CELSR1: variants seen among roughly 807,000 people sequenced by gnomAD.
CELSR1 encodes the protein cadherin EGF LAG seven-pass G-type receptor 1.
Under a neutral mutation model 249.1 loss-of-function variants are expected in CELSR1, and 110 were observed. That is an observed-to-expected ratio of 0.44 (90% CI 0.38 to 0.52). CELSR1 has a LOEUF of 0.52. Ranked by LOEUF, CELSR1 falls within the 20% of genes least tolerant of loss-of-function variation. CELSR1 has a pLI of 0.00. For synonymous variants in CELSR1, 2,113 were observed against 1,900.0 expected (o/e 1.11, Z -2.92); for missense variants, 4,109 against 4,296.4 (o/e 0.96, Z 1.22).
At chr22:46,364,310 G>C (rs921321713) in intron 33 of CELSR1, 59 bp from the exon 34 acceptor site, 61 of 1,584,428 alleles carry the variant, frequency 3.8e-5, no homozygotes, top group Non-Finnish European at 5.0e-5. Context: ...GGCAGCTGCT[G>C]GGCCGTGTGC....
chr22:46,368,958 C>T (rs2078818851), intron 27 of CELSR1, among the ~76,000 whole-genome samples: 1 of 151,268 alleles, frequency 6.6e-6, no homozygotes. Context: ...CCCCTCCCTT[C>T]AGCTAACCTC....
chr22:46,415,034 G>A (rs921094625), intron 5 of CELSR1, among the ~76,000 whole-genome samples: 5 of 152,164 alleles, frequency 3.3e-5, no homozygotes, highest in African/African-American at 7.2e-5. Context: ...GCCATGCACC[G>A]CGTGACTCCA....
intron 25 of CELSR1, 98 bp downstream of exon 25, chr22:46,372,785 G>T: frequency 7.0e-7 from 1 of 1,432,206 alleles, no homozygotes; most frequent in Non-Finnish European, 9.4e-7. Flanking sequence ...ACAAGCATTG[G>T]GGCTGGGCAG....
chr22:46,364,940 CCAGTAACTATA>C (rs1487285886), intron 32 of CELSR1, among the ~76,000 whole-genome samples: 2 of 152,210 alleles, frequency 1.3e-5, no homozygotes, highest in East Asian at 3.8e-4. Flanking sequence ...CGCATCTGTA[CCAGTAACTATA>C]CAGGCTAATC....
intron 20 of CELSR1, among the ~76,000 whole-genome samples, chr22:46,384,188 G>A (rs558408027): frequency 2.0e-4 from 31 of 152,182 alleles, no homozygotes; most frequent in Non-Finnish European, 3.4e-4. Flanking sequence ...TGCCCGCCTC[G>A]GCCTCCCAAA....
chr22:46,420,938 C>T (rs922765836), intron 5 of CELSR1, among the ~76,000 whole-genome samples: 1 of 152,072 alleles, frequency 6.6e-6, no homozygotes, highest in Admixed American at 6.6e-5. Flanking sequence ...GGGATGGTCA[C>T]GGCAGGAAAA....
At chr22:46,378,118 A>C (rs1480958469) in intron 23 of CELSR1, among the ~76,000 whole-genome samples, 2 of 152,204 alleles carry the variant, frequency 1.3e-5, no homozygotes, top group Non-Finnish European at 2.9e-5. Flanking sequence ...AAAATGCCAG[A>C]GGTTAAACAT....
Position 46,518,066 on chromosome 22 carries a change from G to C in CELSR1, c.3544+15561C>G, listed in dbSNP as rs1372460099. ...TACAGTCATGTGCCACCACACCCGG[G>C]TAATTTTTTTGTGTTTTTAGTAGAG... On this transcript the variant is annotated intron_variant, in intron 1 of 34. Coordinates refer to ENST00000674500, the MANE Select transcript of CELSR1 (RefSeq NM_001378328.1). This position sits in a 1 kb window ranked among gnomAD's most constrained non-coding sequence, Gnocchi z 5.2. Among the ~76,000 whole-genome samples the C allele has an allele frequency of 1.3e-5, 2 of 151,484 alleles. No homozygotes were observed. The highest frequency in any genetic ancestry group is 2.1e-4 in the South Asian group (1 of 4,810).
At chr22:46,480,138 C>T (rs1312586890) in intron 1 of CELSR1, among the ~76,000 whole-genome samples, 1 of 152,216 alleles carries the variant, frequency 6.6e-6, no homozygotes. Context: ...CTTCTCTTCA[C>T]GGGCAAAGTG....
intron 2 of CELSR1, among the ~76,000 whole-genome samples, chr22:46,450,996 T>A (rs1161363333): frequency 1.3e-5 from 2 of 152,160 alleles, no homozygotes; most frequent in African/African-American, 4.8e-5. Flanking sequence ...CTCCTGTTCC[T>A]CACTGCCTTC....
rs958119430 is a variant in CELSR1, at chr22:46,484,028, A to G, written c.3545-19683T>C. On this transcript the variant is annotated intron_variant, in intron 1 of 34. Transcript: ENST00000674500. The surrounding 1 kb of genome is among the most constrained non-coding windows in gnomAD (Gnocchi z 4.5). ...TCCAGGTAAAGGAGCACAACTGTCA[A>G]TTTCACGGAGCACAGAACATTCCCA... Among the ~76,000 whole-genome samples, 2 of 152,192 alleles carry G rather than the reference A, an allele frequency of 1.3e-5. No homozygotes were observed. The highest frequency in any genetic ancestry group is 4.8e-5 in the African/African-American group (2 of 41,450).
intron 24 of CELSR1, 55 bp downstream of exon 24, chr22:46,377,006 G>A (rs1283064413): frequency 6.3e-6 from 10 of 1,577,068 alleles, no homozygotes; most frequent in Non-Finnish European, 7.8e-6. Flanking sequence ...CAGGACTATG[G>A]TAGCTGCTCC....
In CELSR1 at chr22:46,437,165, C is replaced by T. The variant is rs1159391153; in HGVS notation, c.4407-876G>A. On this transcript the variant is annotated intron_variant, in intron 3 of 34. Transcript: ENST00000674500. The surrounding 1 kb of genome is among the most constrained non-coding windows in gnomAD (Gnocchi z 4.9). Reference sequence around the variant, plus strand: ...TTAGAGCACGCTGAGCAAAAACCACCTGCTCGGGCAGGAGATCATCAAATT... The same window carrying T: ...TTAGAGCACGCTGAGCAAAAACCACTTGCTCGGGCAGGAGATCATCAAATT... Among the ~76,000 whole-genome samples, 1 of 152,202 alleles carries T rather than the reference C, an allele frequency of 6.6e-6. No individual in the cohort carries two copies. Among genetic ancestry groups the T allele is most frequent in the Non-Finnish European group, 1.5e-5 (1 of 68,018 alleles).
chr22:46,428,076 G>A lies in CELSR1; in HGVS notation c.4611+5317C>T, dbSNP rs528948363. Among the ~76,000 whole-genome samples the A allele has an allele frequency of 6.6e-6, 1 of 152,158 alleles. No homozygotes were observed. Among genetic ancestry groups the A allele is most frequent in the Admixed American group, 6.5e-5 (1 of 15,276 alleles). ...CAATCCCTAATGACAGCAGGACCTAGCGGTCATCTCAAGGTCATGGAAATC... is the reference window on the plus strand; with the variant it reads ...CAATCCCTAATGACAGCAGGACCTAACGGTCATCTCAAGGTCATGGAAATC... On this transcript the variant is annotated intron_variant, in intron 5 of 34. Transcript: ENST00000674500. This position sits in a 1 kb window ranked among gnomAD's most constrained non-coding sequence, Gnocchi z 5.7.
chr22:46,478,474 A>G (rs1175829303), intron 1 of CELSR1, among the ~76,000 whole-genome samples: 3 of 152,164 alleles, frequency 2.0e-5, no homozygotes, highest in East Asian at 3.9e-4. Context: ...AGGGACAACC[A>G]TATGTTCCCT....
rs1209344341 is a variant in CELSR1, at chr22:46,473,833, T to C, written c.3545-9488A>G. Among the ~76,000 whole-genome samples, 4 of 152,138 alleles carry C rather than the reference T, an allele frequency of 2.6e-5. No individual in the cohort carries two copies. The highest frequency in any genetic ancestry group is 9.7e-5 in the African/African-American group (4 of 41,424). ...CTTCTGGGTTTGTTTTGTTTTGTTTTAGAGGCCAGATTGGGGCCAGACAAC... is the reference window on the plus strand; with the variant it reads ...CTTCTGGGTTTGTTTTGTTTTGTTTCAGAGGCCAGATTGGGGCCAGACAAC... On this transcript the variant is annotated intron_variant, in intron 1 of 34. Transcript: ENST00000674500. This position sits in a 1 kb window ranked among gnomAD's most constrained non-coding sequence, Gnocchi z 6.6.
rs779470956 is a variant in CELSR1 at position 46,365,245 on chromosome 22, T to C, written c.8540A>G (p.His2847Arg). 2 of 1,612,118 alleles carry C rather than the reference T, an allele frequency of 1.2e-6. No individual in the cohort carries two copies. The highest frequency in any genetic ancestry group is 8.5e-7 in the Non-Finnish European group (1 of 1,179,890). Residue 2847 changes from histidine (H) to arginine (R), a missense_variant, in exon 32 of 35, where the codon CAC becomes CGC. By Grantham distance (29) the His-to-Arg change is conservative. This residue lies in a region of CELSR1 where 1,805 missense variants were observed against 1,831.6 expected (regional missense o/e 0.99). Transcript: ENST00000674500. ...CACACACTCACCTTTGGGGGTGCTGTGGACGGCGCCCCTGGCCGGGTCCCA... is the reference window on the plus strand; with the variant it reads ...CACACACTCACCTTTGGGGGTGCTGCGGACGGCGCCCCTGGCCGGGTCCCA... Reference protein sequence around the residue: ...EKWDPARGAVHSTPKGDAVAN... With the variant: ...EKWDPARGAVRSTPKGDAVAN...
At chr22:46,424,660 T>C (rs1400026428) in intron 5 of CELSR1, among the ~76,000 whole-genome samples, 3 of 152,162 alleles carry the variant, frequency 2.0e-5, no homozygotes, top group Non-Finnish European at 4.4e-5. Context: ...TGTTTTCCAT[T>C]GTTATTCTGT....
chr22:46,498,512 C>T (rs1218851397), intron 1 of CELSR1, among the ~76,000 whole-genome samples: 5 of 151,074 alleles, frequency 3.3e-5, no homozygotes, highest in African/African-American at 1.2e-4. Context: ...ACTCAGGAGG[C>T]TGAGGCAGGA....
Sources: allele counts gnomAD v4.1 joint callset (sites outside exome capture counted in the v4.1 genomes callset), GRCh38; gene constraint gnomAD v4.1.1; regional missense constraint gnomAD v4.1.1; non-coding constraint Gnocchi (gnomAD v3.1); transcripts MANE v1.5; gene names NCBI Gene and HGNC (gene_info 2026-07-23, HGNC 2026-07-21).